Variants in C2orf76 observed in about 807,000 individuals in gnomAD.
C2orf76 encodes chromosome 2 open reading frame 76.
Under a neutral mutation model 16.9 loss-of-function variants are expected in C2orf76, and 23 were observed. The observed-to-expected ratio is 1.36, with a 90% CI of 0.98 to 1.93. C2orf76 has a LOEUF of 1.93. Ranked by LOEUF, C2orf76 falls within the 30% of genes most tolerant of loss-of-function variation. The pLI, the probability that C2orf76 is intolerant of heterozygous loss-of-function variation, is 0.00. For synonymous variants in C2orf76, 48 were observed against 52.3 expected (o/e 0.92, Z 0.35); for missense variants, 152 against 152.6 (o/e 1.00, Z 0.02).
intron 1 of C2orf76, among the ~76,000 whole-genome samples, chr2:119,353,217 T>A (rs1047617367): frequency 7.9e-5 from 12 of 152,182 alleles, no homozygotes; most frequent in African/African-American, 2.9e-4. Context: ...CTAAATTATT[T>A]TTATTATCCT....
rs1366421746 is a variant in C2orf76 at position 119,321,139 on chromosome 2, TA to T, written c.184+14del. The T allele has an allele frequency of 2.3e-5, 31 of 1,345,138 alleles. No homozygotes were observed. Among genetic ancestry groups the T allele is most frequent in the South Asian group, 5.7e-5 (4 of 70,354 alleles). 83.3% of individuals were successfully genotyped at this position (1,345,138 alleles called of 1,614,324 possible). A position where few individuals can be genotyped will look rare whatever the true frequency, so the allele number is the denominator to read the frequency against. On this transcript the variant is annotated intron_variant, in intron 3 of 5. Coordinates refer to ENST00000334816, the MANE Select transcript of C2orf76 (RefSeq NM_001322331.2). ...TGTATTTATATATATTTTAAAAGAA[TA>T]AAAAAATGGTTACCATATTTATAAT... is the stretch of plus-strand genomic sequence containing the variant.
chr2:119,350,310 G>C (rs1368593926), intron 1 of C2orf76, among the ~76,000 whole-genome samples: 1 of 152,052 alleles, frequency 6.6e-6, no homozygotes, highest in African/African-American at 2.4e-5. Flanking sequence ...AATTATATAT[G>C]TTAGATTTAA....
intron 3 of C2orf76, among the ~76,000 whole-genome samples, chr2:119,320,736 C>A (rs1268416588): frequency 1.3e-5 from 2 of 152,098 alleles, no homozygotes; most frequent in African/African-American, 4.8e-5. Context: ...AATAACTGTG[C>A]CATCTTTATA....
intron 4 of C2orf76, among the ~76,000 whole-genome samples, chr2:119,314,222 C>T (rs564789587): frequency 4.0e-5 from 6 of 151,834 alleles, no homozygotes; most frequent in Non-Finnish European, 7.4e-5. Flanking sequence ...AATTTTTCAT[C>T]GTGGAGAATT....
chr2:119,343,033 G>A (rs1680085669), intron 1 of C2orf76, among the ~76,000 whole-genome samples: 2 of 152,252 alleles, frequency 1.3e-5, no homozygotes, highest in South Asian at 2.1e-4. Flanking sequence ...GCCTCCCAAA[G>A]TATATCATTC....
chr2:119,336,591 A>G (rs981321145), intron 2 of C2orf76, among the ~76,000 whole-genome samples: 1 of 152,128 alleles, frequency 6.6e-6, no homozygotes, highest in African/African-American at 2.4e-5. Flanking sequence ...CAATTATGGC[A>G]GGTAACTAGG....
At chr2:119,347,328 G>A (rs1039185188) in intron 1 of C2orf76, among the ~76,000 whole-genome samples, 10 of 152,154 alleles carry the variant, frequency 6.6e-5, no homozygotes, top group African/African-American at 2.4e-4. Context: ...AAGAGAGGAA[G>A]GCTATATATT....
chr2:119,318,690 T>C (rs1679254413), intron 3 of C2orf76, among the ~76,000 whole-genome samples: 1 of 151,960 alleles, frequency 6.6e-6, no homozygotes, highest in African/African-American at 2.4e-5. Context: ...CCACCACACC[T>C]AGCTAATTTT....
intron 5 of C2orf76, among the ~76,000 whole-genome samples, chr2:119,305,942 CAAAA>C (rs61325292): frequency 2.5e-5 from 3 of 119,648 alleles, no homozygotes; most frequent in African/African-American, 6.2e-5. Flanking sequence ...AAAACAACAA[CAAAA>C]AAAAAAAAAA....
At chr2:119,306,854 G>A (rs1484818286) in intron 5 of C2orf76, among the ~76,000 whole-genome samples, 1 of 152,104 alleles carries the variant, frequency 6.6e-6, no homozygotes, top group African/African-American at 2.4e-5. Flanking sequence ...AAAGCCAAAG[G>A]ATGAACTAGA....
At chr2:119,298,729 C>T (rs541021632), downstream of C2orf76, among the ~76,000 whole-genome samples, 9 of 152,106 alleles carry the variant, frequency 5.9e-5, no homozygotes, top group South Asian at 1.0e-3. Flanking sequence ...TCTAATAACA[C>T]TATTTTATAG....
intron 4 of C2orf76, among the ~76,000 whole-genome samples, chr2:119,314,014 G>GCT (rs1553446123): frequency 2.3e-5 from 2 of 86,140 alleles, no homozygotes; most frequent in African/African-American, 5.0e-5. Flanking sequence ...TTTCTCAGTG[G>GCT]TTTTTTTTTT....
intron 2 of C2orf76, among the ~76,000 whole-genome samples, chr2:119,331,579 C>A (rs900883926): frequency 6.6e-6 from 1 of 152,150 alleles, no homozygotes; most frequent in Non-Finnish European, 1.5e-5. Context: ...GCCCTGTGAA[C>A]TCTCCAGGGT....
At chr2:119,308,891 T>C (rs942634120) in intron 5 of C2orf76, among the ~76,000 whole-genome samples, 4 of 152,196 alleles carry the variant, frequency 2.6e-5, no homozygotes, top group Non-Finnish European at 4.4e-5. Flanking sequence ...TTCAAGGTCA[T>C]ATTCATTCCC....
intron 1 of C2orf76, among the ~76,000 whole-genome samples, chr2:119,352,616 ACC>A (rs1680440031): frequency 6.6e-6 from 1 of 152,208 alleles, no homozygotes; most frequent in Non-Finnish European, 1.5e-5. Flanking sequence ...GTCTATAAAT[ACC>A]ACCTGCTGGG....
chr2:119,341,049 C>A (rs576865918), intron 1 of C2orf76, among the ~76,000 whole-genome samples: 95 of 152,220 alleles, frequency 6.2e-4, no homozygotes, highest in Admixed American at 1.2e-3. Context: ...TGCCCTGGGA[C>A]GACAGAGCAG....
chr2:119,305,360 A>C lies in C2orf76; in HGVS notation c.305-2812T>G, dbSNP rs115738239. ...TAATGACTTTAAATGAAAGAATATA[A>C]GAACAATCGATTTTAAGTATAAAAT... On this transcript the variant is annotated intron_variant, in intron 5 of 5. Coordinates refer to ENST00000334816, the MANE Select transcript of C2orf76 (RefSeq NM_001322331.2). Among the ~76,000 whole-genome samples, 549 of 152,342 alleles carry C rather than the reference A, an allele frequency of 3.6e-3. 4 individuals are homozygous for C. The highest frequency in any genetic ancestry group is 0.012 in the African/African-American group (513 of 41,576).
chr2:119,357,585 C>G (rs55917471), intron 1 of C2orf76, among the ~76,000 whole-genome samples: 1 of 117,808 alleles, frequency 8.5e-6, no homozygotes, highest in Non-Finnish European at 1.8e-5. Flanking sequence ...AGAGCATCTA[C>G]AAAAAACAAA....
At chr2:119,290,951 C>T in the C2orf76 span, among the ~76,000 whole-genome samples, 3 of 152,236 alleles carry the variant, frequency 2.0e-5, no homozygotes, top group East Asian at 1.9e-4. Flanking sequence ...AGCTATCAGA[C>T]GCCAAGGCTG....
Sources: gnomAD v4.1 joint callset for allele counts (sites outside exome capture counted in the v4.1 genomes callset) on GRCh38, gnomAD v4.1.1 for gene constraint, MANE v1.5 for transcripts, NCBI Gene and HGNC (gene_info 2026-07-23, HGNC 2026-07-21) for gene names.